The following SLIT2 variants were observed in gnomAD, a reference collection of about 807,000 sequenced individuals.
SLIT2 encodes the protein slit homolog 2 protein.
Under a neutral mutation model 185.7 loss-of-function variants are expected in SLIT2, and 41 were observed. The ratio of observed to expected loss-of-function variants is 0.22; its 90% CI spans 0.17 to 0.29. SLIT2 has a LOEUF of 0.29. SLIT2 is among the 10% of genes least tolerant of loss of function. SLIT2 has a pLI of 1.00. For synonymous variants in SLIT2, 693 were observed against 680.2 expected, an observed-to-expected ratio of 1.02 and a Z score of -0.29; for missense variants, 1,571 against 1,909.0, an observed-to-expected ratio of 0.82 and a Z score of 3.30.
intron 4 of SLIT2, among the ~76,000 whole-genome samples, chr4:20,294,867 A>C (rs976117452): frequency 1.3e-5 from 2 of 152,218 alleles, no homozygotes; most frequent in Non-Finnish European, 2.9e-5. Flanking sequence ...AGTCAAAGAA[A>C]AACAAGGAGG....
intron 11 of SLIT2, among the ~76,000 whole-genome samples, chr4:20,518,717 G>T (rs376180147): frequency 2.3e-5 from 3 of 128,788 alleles, no homozygotes; most frequent in African/African-American, 8.8e-5. Context: ...CCATTCTCCT[G>T]CCTCAGCCTC....
At position 20,598,246 on chromosome 4, in the gene SLIT2, C is replaced by T. The variant is rs1453360169; in HGVS notation, c.3562-19C>T. The T allele has an allele frequency of 6.2e-7, 1 of 1,612,630 alleles. No homozygotes were observed. The highest frequency in any genetic ancestry group is 1.3e-5 in the African/African-American group (1 of 74,822). On this transcript the variant is annotated intron_variant, in intron 32 of 36. Transcript: ENST00000504154. Reference sequence around the variant, plus strand: ...GGTTGCGTACACATCCTAGTAATGCCAGGGTTACTTTCTACTAGATTGCCA... The same window carrying T: ...GGTTGCGTACACATCCTAGTAATGCTAGGGTTACTTTCTACTAGATTGCCA...
In SLIT2 at chr4:20,525,034, T is replaced by A. The variant is rs1577854475; in HGVS notation, c.1439-115T>A. ...TGTACTTCAGTCACAGCTGTGAATA[T>A]ACATTTTTCACTTAATTGCAGTAAC... On this transcript the variant is annotated intron_variant, in intron 14 of 36. Transcript: ENST00000504154. 4.0e-6 allele frequency: 3 copies of A among 745,814 alleles called. No homozygotes were observed. In the East Asian group the frequency reaches 7.6e-5, roughly 19 times the overall value. The allele number at this position is 745,814 out of a possible 1,614,324, so 46.2% of individuals were successfully genotyped here.
At chr4:20,483,252 A>G (rs941187566) in intron 6 of SLIT2, among the ~76,000 whole-genome samples, 6 of 152,036 alleles carry the variant, frequency 3.9e-5, no homozygotes, top group Non-Finnish European at 8.8e-5. Context: ...ATTGATGAAA[A>G]GTATCAAATT....
At chr4:20,353,655 A>G (rs1335740379) in intron 4 of SLIT2, among the ~76,000 whole-genome samples, 3 of 152,202 alleles carry the variant, frequency 2.0e-5, no homozygotes, top group African/African-American at 7.2e-5. Context: ...AGGTAAATAC[A>G]TTAGAGGCTT....
Position 20,556,164 on chromosome 4 carries a change from G to A in SLIT2, c.2725+2196G>A, listed in dbSNP as rs151115179. On this transcript the variant is annotated intron_variant, in intron 26 of 36. Coordinates refer to ENST00000504154, the MANE Select transcript of SLIT2 (RefSeq NM_004787.4). Reference sequence around the variant, plus strand: ...ATTTTTGCAATAATCTTTCCTTTACGATCCTAGATCTTTATTGGGACAGTG... The same window carrying A: ...ATTTTTGCAATAATCTTTCCTTTACAATCCTAGATCTTTATTGGGACAGTG... Among the ~76,000 whole-genome samples the A allele has an allele frequency of 2.8e-3, 418 of 151,870 alleles. 5 individuals carry two copies. The highest frequency in any genetic ancestry group is 9.5e-3 in the African/African-American group (393 of 41,326).
chr4:20,514,366 C>T (rs28542994), intron 11 of SLIT2, among the ~76,000 whole-genome samples: 21,906 of 151,886 alleles, frequency 0.14, 1,657 homozygotes, highest in East Asian at 0.23. Context: ...TTCAGCCAGG[C>T]GTGGTGGCTC....
chr4:20,539,152 A>G (rs888179786), intron 18 of SLIT2, among the ~76,000 whole-genome samples: 6 of 152,220 alleles, frequency 3.9e-5, no homozygotes, highest in Non-Finnish European at 8.8e-5. Context: ...TCACGCAAAC[A>G]TAATTGTAGC....
intron 15 of SLIT2, among the ~76,000 whole-genome samples, chr4:20,526,829 T>C (rs887317334): frequency 4.6e-5 from 7 of 152,196 alleles, no homozygotes; most frequent in Non-Finnish European, 8.8e-5. Flanking sequence ...AAAATTTTAA[T>C]TAAAATTTGA....
intron 4 of SLIT2, among the ~76,000 whole-genome samples, chr4:20,293,945 C>A (rs1342554455): frequency 6.6e-6 from 1 of 151,674 alleles, no homozygotes; most frequent in Admixed American, 6.6e-5. Flanking sequence ...TTTTTTCTAC[C>A]ATTTCATGGT....
intron 9 of SLIT2, among the ~76,000 whole-genome samples, chr4:20,508,298 C>A (rs188874796): frequency 2.4e-4 from 37 of 151,944 alleles, no homozygotes; most frequent in African/African-American, 8.9e-4. Context: ...ACTTATTATA[C>A]CTAAGAAAAT....
intron 4 of SLIT2, among the ~76,000 whole-genome samples, chr4:20,385,081 G>C (rs1487574937): frequency 6.6e-6 from 1 of 152,094 alleles, no homozygotes; most frequent in Non-Finnish European, 1.5e-5. Flanking sequence ...ACTGAGACTA[G>C]ATTTGCTGGA....
intron 5 of SLIT2, among the ~76,000 whole-genome samples, chr4:20,478,701 G>T (rs992234467): frequency 2.6e-5 from 4 of 152,264 alleles, no homozygotes; most frequent in South Asian, 4.1e-4. Flanking sequence ...AGATTTTGCC[G>T]ATTTGTCTGG....
intron 4 of SLIT2, among the ~76,000 whole-genome samples, chr4:20,430,252 A>G (rs757967933): frequency 2.0e-5 from 3 of 152,232 alleles, no homozygotes; most frequent in Admixed American, 6.5e-5. Context: ...AAGCTAGACC[A>G]TTGGAGTTGC....
At chr4:20,311,839 G>A (rs1435502239) in intron 4 of SLIT2, among the ~76,000 whole-genome samples, 3 of 152,160 alleles carry the variant, frequency 2.0e-5, no homozygotes, top group African/African-American at 7.2e-5. Flanking sequence ...GTATTCAGAT[G>A]AAAATATATT....
At chr4:20,487,610 GT>G (rs369496206) in intron 7 of SLIT2, among the ~76,000 whole-genome samples, 352 of 152,254 alleles carry the variant, frequency 2.3e-3, no homozygotes, top group African/African-American at 8.1e-3. Context: ...GATATGGAAT[GT>G]GCCTCTGTGG....
intron 29 of SLIT2, among the ~76,000 whole-genome samples, chr4:20,585,216 C>A (rs1193454297): frequency 1.3e-5 from 2 of 152,186 alleles, no homozygotes; most frequent in Non-Finnish European, 2.9e-5. Context: ...CATTTACTAA[C>A]CTCTCTTATC....
intron 4 of SLIT2, among the ~76,000 whole-genome samples, chr4:20,429,223 A>G (rs973053426): frequency 5.3e-5 from 8 of 151,904 alleles, no homozygotes; most frequent in African/African-American, 1.9e-4. Flanking sequence ...GTGCGAGTTT[A>G]TCGGTTCCTC....
chr4:20,419,346 G>T (rs1396415192), intron 4 of SLIT2, among the ~76,000 whole-genome samples: 1 of 152,092 alleles, frequency 6.6e-6, no homozygotes, highest in Non-Finnish European at 1.5e-5. Context: ...GTGTATGTAT[G>T]CTTATAAATG....
Sources: gnomAD v4.1 joint callset for allele counts (sites outside exome capture counted in the v4.1 genomes callset) on GRCh38, gnomAD v4.1.1 for gene constraint, MANE v1.5 for transcripts, NCBI Gene and HGNC (gene_info 2026-07-23, HGNC 2026-07-21) for gene names.